The following GABPB1 variants were observed in gnomAD, a reference collection of about 807,000 sequenced individuals.
GABPB1 encodes GA binding protein transcription factor subunit beta 1.
GABPB1 carries 15 observed loss-of-function variants against 45.9 expected under a neutral mutation model. That is an observed-to-expected ratio of 0.33 (90% CI 0.22 to 0.50). The LOEUF (loss-of-function observed/expected upper bound fraction) is 0.50, where lower values mean the gene tolerates loss of function less well. Ranked by LOEUF, GABPB1 falls within the 20% of genes least tolerant of loss-of-function variation. The pLI is 0.98. For missense variants in GABPB1, 252 were observed against 457.5 expected, an observed-to-expected ratio of 0.55 and a Z score of 4.10; for synonymous variants, 143 against 154.4, an observed-to-expected ratio of 0.93 and a Z score of 0.55.
chr15:50,310,839 TG>T (rs1196667199), intron 1 of GABPB1, among the ~76,000 whole-genome samples: 1 of 151,894 alleles, frequency 6.6e-6, no homozygotes, highest in Non-Finnish European at 1.5e-5. Flanking sequence ...TGGCTGGGCA[TG>T]GGGGCTCACA....
At chr15:50,352,287 T>C (rs1350201504) in intron 1 of GABPB1, 1 of 151,584 alleles carries the variant, frequency 6.6e-6, no homozygotes, top group African/African-American at 2.4e-5. Flanking sequence ...ATGTGGTCCA[T>C]TACAATGACA....
chr15:50,281,850 C>T (rs1175023538), intron 8 of GABPB1, among the ~76,000 whole-genome samples: 1 of 152,084 alleles, frequency 6.6e-6, no homozygotes, highest in African/African-American at 2.4e-5. Flanking sequence ...GCCTGTAATC[C>T]TAGTATTTTG....
intron 2 of GABPB1, 41 bp downstream of exon 2, chr15:50,309,650 G>T: frequency 8.1e-7 from 1 of 1,237,456 alleles, no homozygotes; most frequent in South Asian, 1.2e-5. Flanking sequence ...ACTCAAAAAT[G>T]AGAAGGAAAA....
chr15:50,289,523 A>G lies in GABPB1; in HGVS notation c.843T>C (p.Ile281=). 1 of 1,613,528 alleles carries G rather than the reference A, an allele frequency of 6.2e-7. No homozygotes were observed. The highest frequency in any genetic ancestry group is 8.5e-7 in the Non-Finnish European group (1 of 1,179,694). The change falls in exon 7 of 9, where the codon ATT becomes ATC. Residue 281 remains isoleucine, a synonymous_variant. Coordinates refer to ENST00000380877, the MANE Select transcript of GABPB1 (RefSeq NM_016654.5). Reference sequence around the variant, plus strand: ...GCATGGTCACAATGATGGGCTGACCAATTCCACTGGTTGGAATAGAGTGCA... The same window carrying G: ...GCATGGTCACAATGATGGGCTGACCGATTCCACTGGTTGGAATAGAGTGCA... The part of the protein sequence containing the change: ...GNLHSIPTSG[I]GQPIIVTMPD...
intron 1 of GABPB1, among the ~76,000 whole-genome samples, chr15:50,310,850 A>G (rs1166118493): frequency 6.6e-6 from 1 of 151,776 alleles, no homozygotes; most frequent in Non-Finnish European, 1.5e-5. Context: ...GGGGGCTCAC[A>G]CCTAGGGTCC....
intron 1 of GABPB1, among the ~76,000 whole-genome samples, chr15:50,317,890 C>T (rs77847432): frequency 6.9e-6 from 1 of 144,692 alleles, no homozygotes. Flanking sequence ...GCCTGGGCGA[C>T]AGAGCAAGAC....
At chr15:50,305,913 C>G (rs2046932967) in intron 2 of GABPB1, among the ~76,000 whole-genome samples, 1 of 152,066 alleles carries the variant, frequency 6.6e-6, no homozygotes, top group Admixed American at 6.6e-5. Context: ...TCCCGAAGTG[C>G]TGGGATTATG....
chr15:50,323,187 G>A (rs1021812281), intron 1 of GABPB1, among the ~76,000 whole-genome samples: 10 of 152,096 alleles, frequency 6.6e-5, no homozygotes, highest in African/African-American at 2.2e-4. Flanking sequence ...ACTGCACAGC[G>A]GCTACTAGAA....
At chr15:50,310,831 G>C (rs1271455250) in intron 1 of GABPB1, among the ~76,000 whole-genome samples, 1 of 151,922 alleles carries the variant, frequency 6.6e-6, no homozygotes, top group Non-Finnish European at 1.5e-5. Flanking sequence ...TAAAAAATTG[G>C]CTGGGCATGG....
chr15:50,323,523 A>G (rs1179658359), intron 1 of GABPB1, among the ~76,000 whole-genome samples: 1 of 152,160 alleles, frequency 6.6e-6, no homozygotes, highest in Non-Finnish European at 1.5e-5. Flanking sequence ...CTCAGTTTAC[A>G]CACCTGTAAA....
chr15:50,327,847 C>T (rs112741842), intron 1 of GABPB1, among the ~76,000 whole-genome samples: 42,738 of 151,506 alleles, frequency 0.28, 7,447 homozygotes, highest in Middle Eastern at 0.42. Context: ...TGCAGTGAGC[C>T]GAGATCGTGG....
rs527718147 is a variant in GABPB1 at position 50,327,173 on chromosome 15, A to T, written c.1-17375T>A. On this transcript the variant is annotated intron_variant, in intron 1 of 8. Coordinates refer to ENST00000380877, the MANE Select transcript of GABPB1 (RefSeq NM_016654.5). Reference sequence around the variant, plus strand: ...TTAGCCAGTAGATGCCTTTGATTTAATCAGGGAAGTATAACTTACCTGCTT... The same window carrying T: ...TTAGCCAGTAGATGCCTTTGATTTATTCAGGGAAGTATAACTTACCTGCTT... 2.0e-5 allele frequency: 3 copies of T among 152,352 alleles called. No homozygotes were observed. In the East Asian group the frequency reaches 5.8e-4, roughly 29 times the overall value. 9.4% of individuals were successfully genotyped at this position (152,352 alleles called of 1,614,324 possible).
intron 6 of GABPB1, among the ~76,000 whole-genome samples, chr15:50,297,118 C>T (rs1044734712): frequency 4.6e-5 from 7 of 151,518 alleles, no homozygotes; most frequent in African/African-American, 1.7e-4. Flanking sequence ...ACCATGTTGG[C>T]CAGGCTTGTC....
chr15:50,335,895 CAAAAAAAAAAAAA>C lies in GABPB1; in HGVS notation c.-1+19077_-1+19089del, dbSNP rs775073809. On this transcript the variant is annotated intron_variant, in intron 1 of 8. Coordinates refer to ENST00000380877, the MANE Select transcript of GABPB1 (RefSeq NM_016654.5). ...TGGGTGAGACAGCAAGACTCCGACT[CAAAAAAAAAAAAA>C]AAAAAAAAAGAAGACTGGTCTAATC... is the stretch of plus-strand genomic sequence containing the variant. Among the ~76,000 whole-genome samples the C allele has an allele frequency of 7.6e-5, 6 of 79,344 alleles. 1 individual carries two copies. 52.1% of individuals were successfully genotyped at this position (79,344 alleles called of 152,430 possible).
chr15:50,344,953 T>C (rs982198471), intron 1 of GABPB1, among the ~76,000 whole-genome samples: 2 of 152,114 alleles, frequency 1.3e-5, no homozygotes, highest in Non-Finnish European at 2.9e-5. Context: ...GGCTGAATAA[T>C]AATAAATCTA....
rs1021176771 is a variant in GABPB1 at position 50,312,582 on chromosome 15, A to T, written c.1-2784T>A. Among the ~76,000 whole-genome samples the T allele has an allele frequency of 2.0e-5, 3 of 152,226 alleles. No individual in the cohort carries two copies. The East Asian group carries it at 5.8e-4, about 29-fold the overall frequency. On this transcript the variant is annotated intron_variant, in intron 1 of 8. Transcript: ENST00000380877. The stretch of plus-strand genomic sequence containing the variant: ...AATAATTTCCTATTAAAGGCAGGAT[A>T]AAGCAAAAAGAAACCGACCTCTCTC...
At chr15:50,337,762 G>C (rs551889058) in intron 1 of GABPB1, among the ~76,000 whole-genome samples, 1 of 151,862 alleles carries the variant, frequency 6.6e-6, no homozygotes, top group South Asian at 2.1e-4. Flanking sequence ...GACAGACCCC[G>C]TCTCAACTGA....
intron 1 of GABPB1, chr15:50,349,779 CATTTA>C (rs755714664): frequency 5.9e-5 from 9 of 152,170 alleles, no homozygotes; most frequent in Non-Finnish European, 8.8e-5. Flanking sequence ...TATGCTAACA[CATTTA>C]ATTTTTTATT....
At chr15:50,296,795 C>A (rs895698945) in intron 6 of GABPB1, among the ~76,000 whole-genome samples, 1 of 151,996 alleles carries the variant, frequency 6.6e-6, no homozygotes, top group African/African-American at 2.4e-5. Flanking sequence ...AACTGGACAG[C>A]CAGAAATCAG....
Sources: allele counts gnomAD v4.1 joint callset (sites outside exome capture counted in the v4.1 genomes callset), GRCh38; gene constraint gnomAD v4.1.1; transcripts MANE v1.5; gene names NCBI Gene and HGNC (gene_info 2026-07-23, HGNC 2026-07-21).